The following SPECC1 variants were observed in gnomAD, a reference collection of about 807,000 sequenced individuals.
SPECC1 encodes the protein sperm antigen with calponin homology and coiled-coil domains 1, also known as cytospin-B.
SPECC1 carries 62 observed loss-of-function variants against 104.1 expected under a neutral mutation model. That is an observed-to-expected ratio of 0.60 (90% CI 0.49 to 0.74). The LOEUF (loss-of-function observed/expected upper bound fraction) is 0.74. Ranked by LOEUF, SPECC1 falls within the 30% of genes least tolerant of loss-of-function variation. SPECC1 has a pLI of 0.00. For synonymous variants in SPECC1, 513 were observed against 501.6 expected (o/e 1.02, Z -0.30); for missense variants, 1,306 against 1,310.5 (o/e 1.00, Z 0.05).
Position 20,105,409 on chromosome 17 carries a change from T to C in SPECC1, c.148-5018T>C, listed in dbSNP as rs993836400. Among the ~76,000 whole-genome samples, 12 of 152,318 alleles carry C rather than the reference T, an allele frequency of 7.9e-5. No individual in the cohort carries two copies. In the South Asian group the frequency reaches 2.5e-3, roughly 32 times the overall value. On this transcript the variant is annotated intron_variant, in intron 2 of 14. Transcript: ENST00000395527. ...CTGCAGCATCAGTACCTGGGTCATA[T>C]AGGTAGGAAGAAGGAGCGCTGCTCC...
intron 1 of SPECC1, among the ~76,000 whole-genome samples, chr17:20,026,436 G>A (rs2044603457): frequency 6.6e-6 from 1 of 152,104 alleles, no homozygotes; most frequent in Admixed American, 6.6e-5. Context: ...TTCTTACATA[G>A]CTGTAAATTT....
At chr17:20,057,784 A>T (rs1251818243) in intron 1 of SPECC1, 1 of 151,864 alleles carries the variant, frequency 6.6e-6, no homozygotes, top group Non-Finnish European at 1.5e-5. Flanking sequence ...GAGCCACCAC[A>T]CCCAGTCCAA....
At chr17:20,032,076 T>C (rs1031912894) in intron 1 of SPECC1, among the ~76,000 whole-genome samples, 1 of 152,232 alleles carries the variant, frequency 6.6e-6, no homozygotes, top group African/African-American at 2.4e-5. Flanking sequence ...ACTTCAAATA[T>C]GTTATCATTC....
chr17:20,072,480 C>T (rs915784443), intron 1 of SPECC1, among the ~76,000 whole-genome samples: 4 of 152,192 alleles, frequency 2.6e-5, no homozygotes, highest in Non-Finnish European at 5.9e-5. Context: ...AGTGGGTGTT[C>T]CTCAGTAAGA....
chr17:20,162,617 C>T (rs1373928330), intron 3 of SPECC1, among the ~76,000 whole-genome samples: 1 of 152,154 alleles, frequency 6.6e-6, no homozygotes, highest in Non-Finnish European at 1.5e-5. Context: ...TCTTCTTAAC[C>T]CTCCAACATA....
chr17:20,212,272 C>CA (rs1377423523), intron 4 of SPECC1, among the ~76,000 whole-genome samples: 2 of 152,202 alleles, frequency 1.3e-5, no homozygotes, highest in Non-Finnish European at 2.9e-5. Context: ...AAGAACCGAG[C>CA]AGAGGGAGTT....
chr17:20,188,661 A>C (rs2035446629), intron 3 of SPECC1, among the ~76,000 whole-genome samples: 1 of 152,220 alleles, frequency 6.6e-6, no homozygotes, highest in Non-Finnish European at 1.5e-5. Flanking sequence ...TAAAATAACA[A>C]TAATAATACT....
At chr17:20,144,136 G>C (rs1400790243) in intron 3 of SPECC1, among the ~76,000 whole-genome samples, 1 of 151,614 alleles carries the variant, frequency 6.6e-6, no homozygotes, top group African/African-American at 2.4e-5. Context: ...TAAATGACTA[G>C]GGCCAGAAAA....
Position 20,022,918 on chromosome 17 carries a change from G to T in SPECC1, c.-22+13494G>T, listed in dbSNP as rs555066338. Among the ~76,000 whole-genome samples, 10 of 152,332 alleles carry T rather than the reference G, an allele frequency of 6.6e-5. No homozygotes were observed. The East Asian group carries it at 1.9e-3, about 29-fold the overall frequency. On this transcript the variant is annotated intron_variant, in intron 1 of 14. Coordinates refer to ENST00000395527, the MANE Select transcript of SPECC1 (RefSeq NM_001243439.2). ...TCATGACACTATTGGATGGGTGTCA[G>T]CATGGCAGCAGAATACTGACGGACT...
rs201791129 is a variant in SPECC1 at position 20,205,525 on chromosome 17, C to G, written c.1476C>G (p.Thr492=). The change falls in exon 4 of 15, where the codon ACC becomes ACG. Residue 492 remains threonine (T), a synonymous_variant. Transcript: ENST00000395527. The part of the protein sequence containing the change: ...EKLLNIQQQL[T]CSLRKVEEEN... The stretch of plus-strand genomic sequence containing the variant: ...TACTCAACATTCAGCAGCAGTTGAC[C>G]TGTAGCTTGCGGAAGGTTGAGGAAG... 14 of 1,614,060 alleles carry G rather than the reference C, an allele frequency of 8.7e-6. No individual in the cohort carries two copies. Among genetic ancestry groups the G allele is most frequent in the Non-Finnish European group, 1.1e-5 (13 of 1,180,038 alleles).
chr17:20,055,243 T>A (rs781640063), intron 1 of SPECC1, among the ~76,000 whole-genome samples: 11 of 147,004 alleles, frequency 7.5e-5, no homozygotes, highest in Non-Finnish European at 1.0e-4. Context: ...TCATCCATGC[T>A]GTTGCATGTT....
chr17:20,311,380 T>TG (rs1555537692), intron 14 of SPECC1, among the ~76,000 whole-genome samples: 6 of 150,170 alleles, frequency 4.0e-5, no homozygotes, highest in African/African-American at 1.5e-4. Context: ...TACATTTTTT[T>TG]TTTGTTTTTG....
intron 3 of SPECC1, among the ~76,000 whole-genome samples, chr17:20,115,955 T>C (rs2048733815): frequency 6.6e-6 from 1 of 152,254 alleles, no homozygotes; most frequent in Non-Finnish European, 1.5e-5. Flanking sequence ...TGTAATCAGA[T>C]AATAACATTG....
intron 4 of SPECC1, among the ~76,000 whole-genome samples, chr17:20,223,616 T>G (rs1477841444): frequency 6.6e-6 from 1 of 151,196 alleles, no homozygotes; most frequent in African/African-American, 2.4e-5. Context: ...GAGGTTGCAG[T>G]GAGCCGAGAA....
At chr17:20,274,999 A>G (rs28550747) in intron 12 of SPECC1, among the ~76,000 whole-genome samples, 18,109 of 151,666 alleles carry the variant, frequency 0.12, 1,111 homozygotes, top group Non-Finnish European at 0.13. Flanking sequence ...TAAATACTCT[A>G]TCAACTAAAG....
intron 5 of SPECC1, among the ~76,000 whole-genome samples, chr17:20,230,525 T>C (rs997606432): frequency 1.3e-5 from 2 of 152,206 alleles, no homozygotes; most frequent in Non-Finnish European, 2.9e-5. Flanking sequence ...GTTTTTGTTT[T>C]TGTGATATTT....
chr17:20,286,280 C>A (rs1434648955), intron 12 of SPECC1, among the ~76,000 whole-genome samples: 1 of 152,164 alleles, frequency 6.6e-6, no homozygotes, highest in Admixed American at 6.5e-5. Context: ...GGATGAATAT[C>A]AAGGAAAATA....
chr17:20,130,404 G>T (rs1159905299), intron 3 of SPECC1, among the ~76,000 whole-genome samples: 2 of 152,144 alleles, frequency 1.3e-5, no homozygotes, highest in African/African-American at 2.4e-5. Context: ...GTATGGTGGT[G>T]CACACTTGTG....
intron 3 of SPECC1, chr17:20,113,106 A>G (rs1257631214): frequency 1.5e-6 from 1 of 672,100 alleles, no homozygotes; most frequent in African/African-American, 1.8e-5. Context: ...TTAAAAAAAA[A>G]TTTAGAGGAT....
Sources: allele counts gnomAD v4.1 joint callset (sites outside exome capture counted in the v4.1 genomes callset), GRCh38; gene constraint gnomAD v4.1.1; transcripts MANE v1.5; gene names NCBI Gene and HGNC (gene_info 2026-07-23, HGNC 2026-07-21).